TPD52: variants seen among roughly 807,000 people sequenced by gnomAD.
TPD52 encodes the protein tumor protein D52.
TPD52 carries 17 observed loss-of-function variants against 31.3 expected under a neutral mutation model. The observed-to-expected ratio is 0.54, with a 90% confidence interval of 0.37 to 0.82. TPD52 has a LOEUF of 0.82. Among genes scored for constraint, TPD52 ranks in the 40% least tolerant of loss-of-function variants. TPD52 has a pLI of 0.00. For missense variants in TPD52, 212 were observed against 240.1 expected, an observed-to-expected ratio of 0.88 and a Z score of 0.77; for synonymous variants, 83 against 89.6, an observed-to-expected ratio of 0.93 and a Z score of 0.42.
At chr8:80,158,621 C>G (rs1811126518) in intron 1 of TPD52, 1 of 151,938 alleles carries the variant, frequency 6.6e-6, no homozygotes, top group South Asian at 2.1e-4. Context: ...CCAGGCTGGG[C>G]AACAGAGCGA....
At chr8:80,076,091 G>A (rs1319805024) in intron 1 of TPD52, among the ~76,000 whole-genome samples, 1 of 152,170 alleles carries the variant, frequency 6.6e-6, no homozygotes, top group African/African-American at 2.4e-5. Context: ...AACCAAAGGT[G>A]CCATAAGCCA....
intron 1 of TPD52, among the ~76,000 whole-genome samples, chr8:80,165,109 A>G (rs1811630083): frequency 6.6e-6 from 1 of 152,304 alleles, no homozygotes; most frequent in South Asian, 2.1e-4. Context: ...GATTGTAAAC[A>G]TATCAAAAGA....
chr8:80,037,050 A>T lies in TPD52; in HGVS notation c.*1066T>A, dbSNP rs767617921. 3.5e-4 allele frequency: 54 copies of T among 152,706 alleles called. No individual in the cohort carries two copies. Among genetic ancestry groups the T allele is most frequent in the Non-Finnish European group, 5.9e-4 (40 of 68,008 alleles). The allele number at this position is 152,706 out of a possible 1,614,324, so 9.5% of individuals were successfully genotyped here. A position where few individuals can be genotyped will look rare whatever the true frequency, so the allele number is the denominator to read the frequency against. On this transcript the variant is annotated 3_prime_UTR_variant, in exon 8 of 8. Coordinates refer to ENST00000518937, the MANE Select transcript of TPD52 (RefSeq NM_001025253.3). ...CTACAGTATCATTTTACAGTTTCCA[A>T]CACATTGAAAACAAGTAGAAAATGA... is the stretch of plus-strand genomic sequence containing the variant.
intron 1 of TPD52, among the ~76,000 whole-genome samples, chr8:80,167,497 G>A (rs1275344160): frequency 6.6e-6 from 1 of 152,192 alleles, no homozygotes; most frequent in African/African-American, 2.4e-5. Flanking sequence ...AATAAATGCA[G>A]GAAGTGAAGA....
intron 1 of TPD52, among the ~76,000 whole-genome samples, chr8:80,133,628 A>G (rs765594936): frequency 6.6e-6 from 1 of 152,058 alleles, no homozygotes; most frequent in Non-Finnish European, 1.5e-5. Flanking sequence ...CTTTGGCTCC[A>G]TTTCTTCTTT....
chr8:80,040,045 C>T (rs936830727), intron 7 of TPD52, among the ~76,000 whole-genome samples: 4 of 152,064 alleles, frequency 2.6e-5, no homozygotes. Context: ...GCTCAGTAAT[C>T]ACAGATGAAT....
At chr8:80,110,736 C>T (rs1484034586) in intron 1 of TPD52, among the ~76,000 whole-genome samples, 1 of 152,140 alleles carries the variant, frequency 6.6e-6, no homozygotes, top group Non-Finnish European at 1.5e-5. Flanking sequence ...AGAAACTGCA[C>T]CAATCAGAAA....
chr8:80,152,780 CAA>C (rs57456374), intron 1 of TPD52, among the ~76,000 whole-genome samples: 10 of 83,508 alleles, frequency 1.2e-4, no homozygotes, highest in East Asian at 3.6e-4. Flanking sequence ...GACTCCGTCT[CAA>C]AAAAAAAAAA....
intron 1 of TPD52, among the ~76,000 whole-genome samples, chr8:80,072,763 A>T (rs1217430037): frequency 6.6e-6 from 1 of 150,524 alleles, no homozygotes; most frequent in Non-Finnish European, 1.5e-5. Flanking sequence ...ACATATATAC[A>T]CACACACATA....
At chr8:80,092,339 C>T (rs1457062806) in intron 1 of TPD52, among the ~76,000 whole-genome samples, 1 of 152,168 alleles carries the variant, frequency 6.6e-6, no homozygotes, top group Non-Finnish European at 1.5e-5. Flanking sequence ...CTTCCCAGCA[C>T]AGCCACTGTG....
At chr8:80,124,565 C>T (rs932538089) in intron 1 of TPD52, among the ~76,000 whole-genome samples, 1 of 152,146 alleles carries the variant, frequency 6.6e-6, no homozygotes, top group Non-Finnish European at 1.5e-5. Context: ...CATACACACA[C>T]AGTATGGCAT....
chr8:80,101,931 G>C (rs952832694), intron 1 of TPD52, among the ~76,000 whole-genome samples: 2 of 150,852 alleles, frequency 1.3e-5, no homozygotes, highest in Non-Finnish European at 3.0e-5. Flanking sequence ...GTGTGAGAGA[G>C]AGGCAAAGAG....
chr8:80,127,132 G>C (rs940797393), intron 1 of TPD52, among the ~76,000 whole-genome samples: 2 of 151,244 alleles, frequency 1.3e-5, no homozygotes, highest in African/African-American at 2.4e-5. Context: ...AGAAGAGAAA[G>C]ATACCATGTT....
At chr8:80,054,640 CTCAG>C (rs1332048397) in intron 2 of TPD52, among the ~76,000 whole-genome samples, 4 of 151,800 alleles carry the variant, frequency 2.6e-5, no homozygotes, top group Non-Finnish European at 5.9e-5. Context: ...TAGAGTATTG[CTCAG>C]TCAAATGTTT....
rs77963105 is a variant in TPD52 at position 80,142,343 on chromosome 8, A to G, written c.19+29082T>C. Among the ~76,000 whole-genome samples, 673 of 152,318 alleles carry G rather than the reference A, an allele frequency of 4.4e-3. 5 individuals are homozygous for G. Among genetic ancestry groups the G allele is most frequent in the African/African-American group, 0.015 (642 of 41,568 alleles). ...AAACTGGGAAGTGATCCTGTTGGAC[A>G]TTAAATTAAGGTTGGGCTGGTCCAC... is the stretch of plus-strand genomic sequence containing the variant. On this transcript the variant is annotated intron_variant, in intron 1 of 7. Coordinates refer to ENST00000518937, the MANE Select transcript of TPD52 (RefSeq NM_001025253.3).
chr8:80,136,631 A>G (rs139247522), intron 1 of TPD52, among the ~76,000 whole-genome samples: 5 of 151,740 alleles, frequency 3.3e-5, no homozygotes, highest in Non-Finnish European at 7.4e-5. Context: ...TTAAAAAAAC[A>G]CTTGGTCAAA....
In TPD52 at chr8:80,035,494, T is replaced by G. The variant is rs965808572; in HGVS notation, c.*2622A>C. 6.6e-6 allele frequency: 1 copy of G among 152,240 alleles called. No homozygotes were observed. Among genetic ancestry groups the G allele is most frequent in the Non-Finnish European group, 1.5e-5 (1 of 68,038 alleles). The allele number at this position is 152,240 out of a possible 1,614,324, so 9.4% of individuals were successfully genotyped here. A position where few individuals can be genotyped will look rare whatever the true frequency, so the allele number is the denominator to read the frequency against. On this transcript the variant is annotated 3_prime_UTR_variant, in exon 8 of 8. Coordinates refer to ENST00000518937, the MANE Select transcript of TPD52 (RefSeq NM_001025253.3). ...CCCTTTCCTCAATGGGCAGGTAATG[T>G]ATACAAAAGAACCCATACCCAAATT...
intron 1 of TPD52, among the ~76,000 whole-genome samples, chr8:80,134,549 G>A (rs1353219917): frequency 6.6e-6 from 1 of 152,190 alleles, no homozygotes; most frequent in African/African-American, 2.4e-5. Context: ...TCTAGAGCTG[G>A]TGGAAAAAGG....
chr8:80,155,622 G>C (rs762581819), intron 1 of TPD52, among the ~76,000 whole-genome samples: 1 of 152,150 alleles, frequency 6.6e-6, no homozygotes, highest in Non-Finnish European at 1.5e-5. Context: ...GGTGGCTCAC[G>C]CCTGTAATCT....
Sources: allele counts gnomAD v4.1 joint callset (sites outside exome capture counted in the v4.1 genomes callset), GRCh38; gene constraint gnomAD v4.1.1; transcripts MANE v1.5; gene names NCBI Gene and HGNC (gene_info 2026-07-23, HGNC 2026-07-21).